Variants in ZNF609 observed in about 807,000 individuals in gnomAD.
The protein encoded by ZNF609 is zinc finger protein 609.
In ZNF609, 11 loss-of-function variants were observed where a neutral mutation model predicts 109.5. That is an observed-to-expected ratio of 0.10 (90% CI 0.06 to 0.17). The LOEUF (loss-of-function observed/expected upper bound fraction) is 0.17. Among genes scored for constraint, ZNF609 ranks in the 10% least tolerant of loss-of-function variants. The pLI, the probability that ZNF609 is intolerant of heterozygous loss-of-function variation, is 1.00. For missense variants in ZNF609, 1,559 were observed against 1,772.4 expected (o/e 0.88, Z 2.16); for synonymous variants, 646 against 662.0 (o/e 0.98, Z 0.37).
chr15:64,663,304 G>A (rs1896605442), intron 3 of ZNF609, among the ~76,000 whole-genome samples: 1 of 152,192 alleles, frequency 6.6e-6, no homozygotes, highest in East Asian at 1.9e-4. Context: ...GACATGGATA[G>A]TAGGAGAGGA....
At chr15:64,509,010 C>G (rs1025417162) in intron 2 of ZNF609, among the ~76,000 whole-genome samples, 7 of 152,044 alleles carry the variant, frequency 4.6e-5, no homozygotes, top group Admixed American at 3.9e-4. Context: ...CAACAATTTG[C>G]GTTTTAACAT....
At chr15:64,469,700 T>C (rs1221718289) in intron 1 of ZNF609, among the ~76,000 whole-genome samples, 1 of 151,982 alleles carries the variant, frequency 6.6e-6, no homozygotes, top group Admixed American at 6.6e-5. Flanking sequence ...CTTTTTCTAG[T>C]GTGCTTAAAA....
chr15:64,551,419 G>C (rs1176470168), intron 2 of ZNF609, among the ~76,000 whole-genome samples: 2 of 152,146 alleles, frequency 1.3e-5, no homozygotes, highest in East Asian at 3.8e-4. Flanking sequence ...ACTTTGGGAG[G>C]CCGAGGCAGG....
At chr15:64,508,536 A>G (rs1481954102) in intron 2 of ZNF609, among the ~76,000 whole-genome samples, 1 of 152,140 alleles carries the variant, frequency 6.6e-6, no homozygotes, top group African/African-American at 2.4e-5. Flanking sequence ...ATAAGGTGAT[A>G]GCTAAGGTGA....
intron 3 of ZNF609, among the ~76,000 whole-genome samples, chr15:64,648,745 C>CAAA (rs1162012248): frequency 2.6e-4 from 19 of 72,396 alleles, no homozygotes; most frequent in Non-Finnish European, 3.6e-4. Flanking sequence ...CACCACATAC[C>CAAA]AAAAAAAAAA....
At chr15:64,614,753 T>C (rs1017842078) in intron 2 of ZNF609, among the ~76,000 whole-genome samples, 4 of 151,812 alleles carry the variant, frequency 2.6e-5, no homozygotes, top group Admixed American at 6.6e-5. Flanking sequence ...TTACTGATGT[T>C]GAGTCACTGT....
Position 64,607,895 on chromosome 15 carries a change from C to CTTTT in ZNF609, c.748-14914_748-14911dup, listed in dbSNP as rs71133457. Among the ~76,000 whole-genome samples, 51 of 12,258 alleles carry CTTTT rather than the reference C, an allele frequency of 4.2e-3. 3 individuals are homozygous for CTTTT. Among genetic ancestry groups the CTTTT allele is most frequent in the African/African-American group, 8.1e-3 (50 of 6,158 alleles). The allele number at this position is 12,258 out of a possible 152,430, so 8.0% of individuals were successfully genotyped here. ...TCTTTCTTTCTTCTTTCTTTTCTTT[C>CTTTT]TTTTTTTTTTTTTTTTTTTTTGAGA... On this transcript the variant is annotated intron_variant, in intron 2 of 9. Transcript: ENST00000326648.
At chr15:64,596,348 G>A (rs1401165094) in intron 2 of ZNF609, among the ~76,000 whole-genome samples, 1 of 152,048 alleles carries the variant, frequency 6.6e-6, no homozygotes, top group Non-Finnish European at 1.5e-5. Context: ...CAGAGATGGG[G>A]TTTCACCATA....
Position 64,674,568 on chromosome 15 carries a change from G to C in ZNF609, c.1714G>C (p.Val572Leu). The C allele has an allele frequency of 1.2e-6, 2 of 1,614,132 alleles. No individual in the cohort carries two copies. The highest frequency in any genetic ancestry group is 1.7e-6 in the Non-Finnish European group (2 of 1,180,038). Residue 572 changes from valine to leucine, a missense_variant, in exon 5 of 10, where the codon GTA becomes CTA. This residue lies in a region of ZNF609 where 1,204 missense variants were observed against 1,314.1 expected (regional missense o/e 0.92). Coordinates refer to ENST00000326648, the MANE Select transcript of ZNF609 (RefSeq NM_015042.2). The part of the protein sequence containing the change: ...ARSATPKVRL[V>L]EPHSPSPSSK... ...CTCAGCTACCCCCAAAGTTCGACTTGTAGAGCCCCATAGCCCTTCTCCTTC... is the reference window on the plus strand; with the variant it reads ...CTCAGCTACCCCCAAAGTTCGACTTCTAGAGCCCCATAGCCCTTCTCCTTC...
chr15:64,616,220 C>T (rs1045713578), intron 2 of ZNF609, among the ~76,000 whole-genome samples: 1 of 152,040 alleles, frequency 6.6e-6, no homozygotes, highest in African/African-American at 2.4e-5. Context: ...TCTAGAACTC[C>T]TCAGCTCAAG....
At position 64,675,916 on chromosome 15, in the gene ZNF609, T is replaced by C; in HGVS notation, c.3062T>C (p.Val1021Ala). 2 of 1,613,120 alleles carry C rather than the reference T, an allele frequency of 1.2e-6. No individual in the cohort carries two copies. The highest frequency in any genetic ancestry group is 8.5e-7 in the Non-Finnish European group (1 of 1,179,742). Reference protein sequence around the residue: ...RQSLEQQQRGVDKKAEMGLKE... With the variant: ...RQSLEQQQRGADKKAEMGLKE... ...AGCTTAGAGCAGCAGCAGCGGGGAGTGGACAAGAAGGCAGAGATGGGCCTG... is the reference window on the plus strand; with the variant it reads ...AGCTTAGAGCAGCAGCAGCGGGGAGCGGACAAGAAGGCAGAGATGGGCCTG... Residue 1021 changes from valine (V) to alanine (A), a missense_variant, in exon 5 of 10, where the codon GTG (valine) becomes GCG (alanine). Transcript: ENST00000326648.
At chr15:64,586,616 A>T (rs1023906405) in intron 2 of ZNF609, among the ~76,000 whole-genome samples, 3 of 152,116 alleles carry the variant, frequency 2.0e-5, no homozygotes, top group South Asian at 4.1e-4. Context: ...TCTGAGGTGG[A>T]ACAGTTATAG....
chr15:64,479,512 C>CT (rs1441444201), intron 1 of ZNF609, among the ~76,000 whole-genome samples: 2 of 151,820 alleles, frequency 1.3e-5, no homozygotes, highest in African/African-American at 4.8e-5. Context: ...AGGATGGTCT[C>CT]TATCTCCTGA....
chr15:64,460,491 G>T (rs1892919990), upstream of ZNF609, among the ~76,000 whole-genome samples: 1 of 152,098 alleles, frequency 6.6e-6, no homozygotes, highest in Non-Finnish European at 1.5e-5. Flanking sequence ...GGTTTCCCCT[G>T]CGCTCACCGG....
intron 2 of ZNF609, among the ~76,000 whole-genome samples, chr15:64,556,420 A>C (rs772615135): frequency 6.6e-6 from 1 of 152,136 alleles, no homozygotes; most frequent in Non-Finnish European, 1.5e-5. Context: ...GGCATGAACC[A>C]CTGCTCCTGG....
chr15:64,671,230 AAATT>A (rs1443434877), intron 4 of ZNF609: 11 of 151,446 alleles, frequency 7.3e-5, no homozygotes, highest in East Asian at 1.9e-4. Flanking sequence ...AAAAAAAAAA[AAATT>A]AATTAAAAAA....
At chr15:64,644,794 A>G (rs1896306157) in intron 3 of ZNF609, among the ~76,000 whole-genome samples, 1 of 152,174 alleles carries the variant, frequency 6.6e-6, no homozygotes, top group African/African-American at 2.4e-5. Context: ...TTTTTATTAT[A>G]CATGTCTTTG....
chr15:64,579,253 G>A (rs1269182934), intron 2 of ZNF609, among the ~76,000 whole-genome samples: 8 of 151,734 alleles, frequency 5.3e-5, no homozygotes, highest in African/African-American at 1.9e-4. Context: ...AAGAAGTGAT[G>A]GTACATGCAA....
At chr15:64,542,763 A>G (rs148686813) in intron 2 of ZNF609, among the ~76,000 whole-genome samples, 1,694 of 152,168 alleles carry the variant, frequency 0.011, 10 homozygotes, top group South Asian at 0.028. Context: ...CCTTCTCTCC[A>G]TCCCCACTTT....
Sources: allele counts gnomAD v4.1 joint callset (sites outside exome capture counted in the v4.1 genomes callset), GRCh38; gene constraint gnomAD v4.1.1; regional missense constraint gnomAD v4.1.1; transcripts MANE v1.5; gene names NCBI Gene and HGNC (gene_info 2026-07-23, HGNC 2026-07-21).